The following RASAL2 variants were observed in gnomAD, a reference collection of about 807,000 sequenced individuals.
RASAL2 encodes ras GTPase-activating protein nGAP.
In RASAL2, 58 loss-of-function variants were observed where a neutral mutation model predicts 128.9. That is an observed-to-expected ratio of 0.45 (90% CI 0.36 to 0.56). RASAL2 has a LOEUF of 0.56. RASAL2 is among the 20% of genes least tolerant of loss of function. RASAL2 has a pLI of 0.00. For synonymous variants in RASAL2, 561 were observed against 580.8 expected (o/e 0.97, Z 0.49); for missense variants, 1,360 against 1,601.6 (o/e 0.85, Z 2.57).
intron 1 of RASAL2, among the ~76,000 whole-genome samples, chr1:178,170,683 T>A (rs1480721148): frequency 6.6e-6 from 1 of 151,580 alleles, no homozygotes; most frequent in East Asian, 1.9e-4. Flanking sequence ...CATGGTCTTT[T>A]TATATATATT....
intron 4 of RASAL2, among the ~76,000 whole-genome samples, chr1:178,418,410 T>C (rs1458433062): frequency 6.6e-6 from 1 of 152,228 alleles, no homozygotes; most frequent in East Asian, 1.9e-4. Context: ...CTCATCATCT[T>C]CACATTGAGC....
Position 178,441,570 on chromosome 1 carries a change from A to C in RASAL2, c.850A>C (p.Lys284Gln). 1 of 1,612,514 alleles carries C rather than the reference A, an allele frequency of 6.2e-7. No individual in the cohort carries two copies. The highest frequency in any genetic ancestry group is 8.5e-7 in the Non-Finnish European group (1 of 1,179,004). ...GAAGGTTACCTACTTAAGTGGAAGT[A>C]AATGCTTCAGCTGTAATTCTGCTTC... Reference protein sequence around the residue: ...CFEVTYLSGSKCFSCNSASER... With the variant: ...CFEVTYLSGSQCFSCNSASER... Residue 284 changes from lysine (K) to glutamine (Q), a missense_variant, in exon 7 of 18, where the codon AAA becomes CAA. Lys to Gln is a moderately conservative substitution (Grantham distance 53, BLOSUM62 1). Transcript: ENST00000367649.
intron 17 of RASAL2, among the ~76,000 whole-genome samples, chr1:178,468,257 G>C (rs1446754396): frequency 1.3e-5 from 2 of 152,200 alleles, no homozygotes; most frequent in African/African-American, 4.8e-5. Context: ...TCTAGCCACT[G>C]AATGTGTTGC....
intron 1 of RASAL2, among the ~76,000 whole-genome samples, chr1:178,116,716 T>G (rs112167391): frequency 6.6e-6 from 1 of 152,298 alleles, no homozygotes; most frequent in African/African-American, 2.4e-5. Context: ...TTCACGCCAT[T>G]CTCCTGCCTC....
At chr1:178,469,404 A>G (rs544673431) in intron 17 of RASAL2, among the ~76,000 whole-genome samples, 3 of 152,206 alleles carry the variant, frequency 2.0e-5, no homozygotes, top group African/African-American at 7.2e-5. Context: ...GAAGATTTCT[A>G]CCCCACCCCC....
At chr1:178,238,761 A>C (rs1056439303) in intron 1 of RASAL2, among the ~76,000 whole-genome samples, 1 of 152,132 alleles carries the variant, frequency 6.6e-6, no homozygotes, top group Non-Finnish European at 1.5e-5. Flanking sequence ...AATGTGATCT[A>C]GAGTTTTCAA....
Position 178,424,862 on chromosome 1 carries a change from C to G in RASAL2, c.674+4242C>G, listed in dbSNP as rs1253101526. 3.3e-5 allele frequency among the ~76,000 whole-genome samples: 5 copies of G among 152,254 alleles called. No individual in the cohort carries two copies. In the East Asian group the frequency reaches 9.6e-4, roughly 29 times the overall value. ...AATGGTTAATTTTATCTAAAGAAAGCAAGCTGTGAAAAATACCATAGTTTT... is the reference window on the plus strand; with the variant it reads ...AATGGTTAATTTTATCTAAAGAAAGGAAGCTGTGAAAAATACCATAGTTTT... On this transcript the variant is annotated intron_variant, in intron 5 of 17. Transcript: ENST00000367649.
At chr1:178,299,647 G>A (rs1016861995) in intron 2 of RASAL2, among the ~76,000 whole-genome samples, 2 of 151,888 alleles carry the variant, frequency 1.3e-5, no homozygotes, top group Admixed American at 6.6e-5. Flanking sequence ...ACAGGTGGGC[G>A]CCACCACGCC....
chr1:178,395,957 C>G (rs931545652), intron 4 of RASAL2, among the ~76,000 whole-genome samples: 3 of 151,076 alleles, frequency 2.0e-5, no homozygotes, highest in African/African-American at 7.3e-5. Context: ...TCAGAAAGGG[C>G]ATAATTTTAA....
intron 1 of RASAL2, among the ~76,000 whole-genome samples, chr1:178,206,097 T>G (rs149242056): frequency 6.6e-6 from 1 of 152,254 alleles, no homozygotes; most frequent in East Asian, 1.9e-4. Flanking sequence ...TTCTTTTTGG[T>G]GTATTTATCT....
intron 2 of RASAL2, among the ~76,000 whole-genome samples, chr1:178,289,292 C>T (rs910208245): frequency 2.6e-5 from 4 of 152,122 alleles, no homozygotes; most frequent in Admixed American, 6.5e-5. Flanking sequence ...TGTTCTTTTT[C>T]TTTCCTGCCT....
intron 1 of RASAL2, among the ~76,000 whole-genome samples, chr1:178,136,369 C>T (rs1660323894): frequency 6.6e-6 from 1 of 152,124 alleles, no homozygotes. Flanking sequence ...TCTATTTCCT[C>T]ATCTAGAATA....
intron 1 of RASAL2, among the ~76,000 whole-genome samples, chr1:178,170,528 CTATT>C (rs1301186392): frequency 6.6e-6 from 1 of 151,548 alleles, no homozygotes; most frequent in Non-Finnish European, 1.5e-5. Context: ...ATATGTATAA[CTATT>C]TAAATATTTT....
At chr1:178,160,778 T>C (rs1049943860) in intron 1 of RASAL2, among the ~76,000 whole-genome samples, 5 of 152,224 alleles carry the variant, frequency 3.3e-5, no homozygotes, top group Admixed American at 3.3e-4. Context: ...CTTAGTTGTT[T>C]TCAATAATGT....
At chr1:178,362,474 C>T (rs1671174574) in intron 3 of RASAL2, among the ~76,000 whole-genome samples, 2 of 151,134 alleles carry the variant, frequency 1.3e-5, no homozygotes. Flanking sequence ...CCCTCCCTCC[C>T]TCTCTTCCCT....
chr1:178,106,607 T>G (rs1434885103), intron 1 of RASAL2, among the ~76,000 whole-genome samples: 1 of 152,226 alleles, frequency 6.6e-6, no homozygotes, highest in African/African-American at 2.4e-5. Flanking sequence ...TTATAAAGAC[T>G]TCATGGTTTT....
chr1:178,225,630 A>G (rs1166247146), intron 1 of RASAL2, among the ~76,000 whole-genome samples: 2 of 152,050 alleles, frequency 1.3e-5, no homozygotes, highest in African/African-American at 4.8e-5. Flanking sequence ...TTATAAAAGC[A>G]TGTGTGTCTT....
chr1:178,277,105 G>A (rs189286813), intron 1 of RASAL2, among the ~76,000 whole-genome samples: 5 of 131,808 alleles, frequency 3.8e-5, no homozygotes, highest in Admixed American at 1.8e-4. Flanking sequence ...CTGAGATCGC[G>A]CCACTGCACT....
chr1:178,335,163 T>G (rs1669526498), intron 3 of RASAL2, among the ~76,000 whole-genome samples: 1 of 152,066 alleles, frequency 6.6e-6, no homozygotes, highest in Non-Finnish European at 1.5e-5. Context: ...CTTAAGAACT[T>G]AAATTTTCCT....
Sources: allele counts gnomAD v4.1 joint callset (sites outside exome capture counted in the v4.1 genomes callset), GRCh38; gene constraint gnomAD v4.1.1; transcripts MANE v1.5; gene names NCBI Gene and HGNC (gene_info 2026-07-23, HGNC 2026-07-21).